BAHD1: variants seen among roughly 807,000 people sequenced by gnomAD.
BAHD1 encodes bromo adjacent homology domain-containing 1 protein.
Under a neutral mutation model 63.1 loss-of-function variants are expected in BAHD1, and 20 were observed. That is an observed-to-expected ratio of 0.32 (90% CI 0.22 to 0.46). The LOEUF (loss-of-function observed/expected upper bound fraction) is 0.46. Ranked by LOEUF, BAHD1 falls within the 20% of genes least tolerant of loss-of-function variation. BAHD1 has a pLI of 1.00. For synonymous variants in BAHD1, 408 were observed against 426.8 expected (o/e 0.96, Z 0.54); for missense variants, 939 against 1,071.8 (o/e 0.88, Z 1.73).
intron 1 of BAHD1, among the ~76,000 whole-genome samples, chr15:40,449,723 T>A (rs954832390): frequency 6.6e-6 from 1 of 151,374 alleles, no homozygotes; most frequent in African/African-American, 2.4e-5. Flanking sequence ...GTAGGAGGAT[T>A]GTTTGAGCCC....
rs1034959264 is a variant in BAHD1, at chr15:40,459,525, C to T, written c.1061C>T (p.Pro354Leu). ...TCTTTCCCCACACCTCAGCTGTCGC[C>T]GCTGCCGATGCCTGGCAACCCCGCC... ...QPSFPTPQLS[P>L]LPMPGNPADY... Residue 354 changes from proline to leucine, a missense_variant, in exon 2 of 7, where the codon CCG (proline) becomes CTG (leucine). Physicochemically the swap from Pro to Leu is moderately conservative, Grantham distance 98. Transcript: ENST00000416165. 9.9e-6 allele frequency: 16 copies of T among 1,613,970 alleles called. No homozygotes were observed. The highest frequency in any genetic ancestry group is 1.7e-5 in the Admixed American group (1 of 60,010).
chr15:40,448,302 A>G (rs1056863337), intron 1 of BAHD1, among the ~76,000 whole-genome samples: 1 of 152,200 alleles, frequency 6.6e-6, no homozygotes, highest in African/African-American at 2.4e-5. Context: ...GTTCTAGCCC[A>G]TAGATGCCAT....
At position 40,458,893 on chromosome 15, in the gene BAHD1, C is replaced by A; in HGVS notation, c.429C>A (p.Thr143=). ...EREDTSSLAG[T]RRSRAGDPHR... ...AGGACACCAGCAGCCTGGCAGGCACCCGCCGCAGTCGAGCAGGGGATCCCC... is the reference window on the plus strand; with the variant it reads ...AGGACACCAGCAGCCTGGCAGGCACACGCCGCAGTCGAGCAGGGGATCCCC... The change falls in exon 2 of 7, where the codon ACC becomes ACA. Residue 143 remains threonine, a synonymous_variant. Coordinates refer to ENST00000416165, the MANE Select transcript of BAHD1 (RefSeq NM_014952.5). This position sits in a 1 kb window ranked among gnomAD's most constrained non-coding sequence, Gnocchi z 4.7. 6.3e-7 allele frequency: 1 copy of A among 1,597,004 alleles called. No homozygotes were observed. Among genetic ancestry groups the A allele is most frequent in the Non-Finnish European group, 8.5e-7 (1 of 1,170,398 alleles).
In BAHD1 at chr15:40,466,187, C is replaced by A; in HGVS notation, c.*57C>A. ...GGCAAGTGGGGCTCGGGGTAGGGGG[C>A]ACTGCTTGAAGCACAGCACTTGGTT... On this transcript the variant is annotated 3_prime_UTR_variant, in exon 7 of 7. Transcript: ENST00000416165. 2 of 1,544,106 alleles carry A rather than the reference C, an allele frequency of 1.3e-6. No individual in the cohort carries two copies.
rs1044812984 is a variant in BAHD1 at position 40,466,186 on chromosome 15, G to A, written c.*56G>A. On this transcript the variant is annotated 3_prime_UTR_variant, in exon 7 of 7. Coordinates refer to ENST00000416165, the MANE Select transcript of BAHD1 (RefSeq NM_014952.5). ...GGGCAAGTGGGGCTCGGGGTAGGGGGCACTGCTTGAAGCACAGCACTTGGT... is the reference window on the plus strand; with the variant it reads ...GGGCAAGTGGGGCTCGGGGTAGGGGACACTGCTTGAAGCACAGCACTTGGT... 3.4e-5 allele frequency: 51 copies of A among 1,505,742 alleles called. No individual in the cohort carries two copies. Among genetic ancestry groups the A allele is most frequent in the Middle Eastern group, 1.8e-4 (1 of 5,478 alleles). 93.3% of individuals were successfully genotyped at this position (1,505,742 alleles called of 1,614,324 possible).
At chr15:40,455,469 C>A (rs1023177061) in intron 1 of BAHD1, among the ~76,000 whole-genome samples, 2 of 152,180 alleles carry the variant, frequency 1.3e-5, no homozygotes, top group East Asian at 3.9e-4. Context: ...CTTGGGACTT[C>A]TGTGTGTTGA....
chr15:40,439,169 G>A (rs1263526122), upstream of BAHD1, among the ~76,000 whole-genome samples: 1 of 152,232 alleles, frequency 6.6e-6, no homozygotes, highest in Non-Finnish European at 1.5e-5. Context: ...CCCCAAGGGT[G>A]GGAGGTGGGA....
chr15:40,466,002 C>A lies in BAHD1; in HGVS notation c.2215C>A (p.Pro739Thr). 6.2e-7 allele frequency: 1 copy of A among 1,611,920 alleles called. No homozygotes were observed. Among genetic ancestry groups the A allele is most frequent in the Non-Finnish European group, 8.5e-7 (1 of 1,179,018 alleles). The change falls in exon 7 of 7, where the codon CCC becomes ACC. Residue 739 changes from proline to threonine, a missense_variant. Physicochemically the swap from Pro to Thr is conservative, Grantham distance 38. Around this residue, in one of 5 missense-constraint regions of BAHD1, gnomAD observed 68 missense variants for 86.2 expected, o/e 0.79. Transcript: ENST00000416165. ...CCCCAGCCGAAAGACAGCACTGGTT[C>A]CCCCCTCTGCAGACTATTCCACCCC... is the stretch of plus-strand genomic sequence containing the variant. ...GLPSRKTALV[P>T]PSADYSTPPH...
chr15:40,465,430 C>CT lies in BAHD1; in HGVS notation c.2149dup (p.Cys717LeufsTer12). The CT allele has an allele frequency of 6.2e-7, 1 of 1,613,920 alleles. No homozygotes were observed. The highest frequency in any genetic ancestry group is 8.5e-7 in the Non-Finnish European group (1 of 1,179,794). On this transcript the variant is annotated frameshift_variant, in exon 6 of 7. Coordinates refer to ENST00000416165, the MANE Select transcript of BAHD1 (RefSeq NM_014952.5). LOFTEE classifies it high-confidence loss of function. ...GCTATGTGCTGACTTTTGCCGAGTA[C>CT]TGCAGGTAGGTGGTTCCCTGCACCC...
At chr15:40,443,259 A>AC (rs1893452382) in intron 1 of BAHD1, 1 of 984,324 alleles carries the variant, frequency 1.0e-6, no homozygotes, top group South Asian at 4.7e-5. Context: ...ATTCATGGCC[A>AC]CCCCCCATGG....
At chr15:40,438,606 C>G (rs1472230875), upstream of BAHD1, among the ~76,000 whole-genome samples, 1 of 152,122 alleles carries the variant, frequency 6.6e-6, no homozygotes, top group Non-Finnish European at 1.5e-5. Context: ...TGCCTCCTCT[C>G]CGGTTGGTAT....
intron 1 of BAHD1, among the ~76,000 whole-genome samples, chr15:40,441,619 G>T (rs1289041269): frequency 1.4e-5 from 2 of 147,816 alleles, no homozygotes; most frequent in African/African-American, 4.9e-5. Flanking sequence ...GCCGGGCGGC[G>T]GCGGCGCGGG....
In BAHD1 at chr15:40,459,717, C is replaced by T. The variant is rs1893976482; in HGVS notation, c.1253C>T (p.Ala418Val). 1 of 1,613,946 alleles carries T rather than the reference C, an allele frequency of 6.2e-7. No homozygotes were observed. Among genetic ancestry groups the T allele is most frequent in the Non-Finnish European group, 8.5e-7 (1 of 1,179,984 alleles). ...CCTCACGAGGAGGGGCTCCTCTTAG[C>T]TCCGAGCTCAGTGCCCTCAGGCACC... ...AAPHEEGLLLAPSSVPSGTPF... is the reference protein window; with the variant it reads ...AAPHEEGLLLVPSSVPSGTPF... The change falls in exon 2 of 7, where the codon GCT becomes GTT. Residue 418 changes from alanine to valine, a missense_variant. By Grantham distance (64) the Ala-to-Val change is moderately conservative. Around this residue, in one of 5 missense-constraint regions of BAHD1, gnomAD observed 797 missense variants for 813.3 expected, o/e 0.98. Transcript: ENST00000416165.
At chr15:40,455,961 G>C (rs948797780) in intron 1 of BAHD1, among the ~76,000 whole-genome samples, 1 of 152,042 alleles carries the variant, frequency 6.6e-6, no homozygotes, top group African/African-American at 2.4e-5. Flanking sequence ...ATAAGAAATG[G>C]GATGATGTTG....
At chr15:40,440,156 G>T (rs918794631), upstream of BAHD1, among the ~76,000 whole-genome samples, 1 of 152,162 alleles carries the variant, frequency 6.6e-6, no homozygotes, top group Non-Finnish European at 1.5e-5. Context: ...ATGGATGAGG[G>T]CTCCACACTC....
chr15:40,445,838 G>A (rs909039698), intron 1 of BAHD1, among the ~76,000 whole-genome samples: 22 of 152,370 alleles, frequency 1.4e-4, no homozygotes, highest in Admixed American at 1.3e-3. Context: ...TTGCCATTGT[G>A]CTGGGGACTT....
upstream of BAHD1, among the ~76,000 whole-genome samples, chr15:40,440,275 C>A (rs893460837): frequency 6.6e-6 from 1 of 152,020 alleles, no homozygotes; most frequent in Non-Finnish European, 1.5e-5. Context: ...ACCGACCTTG[C>A]TGGAAAGGAA....
At chr15:40,440,497 A>C (rs1358759192), upstream of BAHD1, among the ~76,000 whole-genome samples, 4 of 135,888 alleles carry the variant, frequency 2.9e-5, no homozygotes, top group African/African-American at 5.6e-5. Context: ...AGTTTTCTCC[A>C]GCGCGTGCTG....
chr15:40,438,610 T>C (rs1036464232), upstream of BAHD1, among the ~76,000 whole-genome samples: 2 of 151,988 alleles, frequency 1.3e-5, no homozygotes, highest in Admixed American at 1.3e-4. Flanking sequence ...TCCTCTCCGG[T>C]TGGTATTCCT....
Sources: gnomAD v4.1 joint callset for allele counts (sites outside exome capture counted in the v4.1 genomes callset) on GRCh38, gnomAD v4.1.1 for gene constraint, gnomAD v4.1.1 regional missense constraint, Gnocchi (gnomAD v3.1) non-coding constraint, MANE v1.5 for transcripts, NCBI Gene and HGNC (gene_info 2026-07-23, HGNC 2026-07-21) for gene names.